Variants in MDFIC observed in about 807,000 individuals in gnomAD.
The protein encoded by MDFIC is myoD family inhibitor domain-containing protein.
Under a neutral mutation model 23.2 loss-of-function variants are expected in MDFIC, and 17 were observed. The observed-to-expected ratio is 0.73, with a 90% confidence interval of 0.50 to 1.10. The LOEUF (loss-of-function observed/expected upper bound fraction) is 1.10. MDFIC is among the 50% of genes least tolerant of loss of function. MDFIC has a pLI of 0.00. For missense variants in MDFIC, 356 were observed against 316.6 expected, an observed-to-expected ratio of 1.12 and a Z score of -0.95; for synonymous variants, 120 against 115.2, an observed-to-expected ratio of 1.04 and a Z score of -0.27.
At chr7:114,961,412 AG>A (rs1422429360) in intron 3 of MDFIC, among the ~76,000 whole-genome samples, 2 of 152,172 alleles carry the variant, frequency 1.3e-5, no homozygotes, top group Non-Finnish European at 2.9e-5. Context: ...CCAGGCTGAA[AG>A]CAGAGGGGAT....
At chr7:114,945,861 G>A (rs1792633714) in intron 3 of MDFIC, among the ~76,000 whole-genome samples, 2 of 151,770 alleles carry the variant, frequency 1.3e-5, no homozygotes, top group Non-Finnish European at 2.9e-5. Context: ...CATTTCAAAA[G>A]GCTTTTATAC....
chr7:114,980,648 C>A (rs1180654221), intron 4 of MDFIC, among the ~76,000 whole-genome samples: 1 of 152,138 alleles, frequency 6.6e-6, no homozygotes, highest in African/African-American at 2.4e-5. Context: ...CTCCTTTCCC[C>A]TTTTAGCAGT....
intron 2 of MDFIC, among the ~76,000 whole-genome samples, chr7:114,926,250 T>C (rs1051454021): frequency 1.3e-5 from 2 of 152,186 alleles, no homozygotes; most frequent in African/African-American, 4.8e-5. Flanking sequence ...TAGAAATAAT[T>C]TAATCCAACC....
rs530151545 is a variant in MDFIC, at chr7:114,932,046, T to G, written c.94+8919T>G. ...TCTATAAACATAGTTCTTATTTCTT[T>G]CATTACTCAGGCAATACATAAGATC... On this transcript the variant is annotated intron_variant, in intron 2 of 4. Transcript: ENST00000393486. 7.9e-5 allele frequency among the ~76,000 whole-genome samples: 12 copies of G among 152,328 alleles called. No individual in the cohort carries two copies. The East Asian group carries it at 2.3e-3, about 29-fold the overall frequency.
chr7:114,992,777 A>C (rs922871053), intron 4 of MDFIC, among the ~76,000 whole-genome samples: 2 of 152,224 alleles, frequency 1.3e-5, no homozygotes, highest in African/African-American at 2.4e-5. Context: ...ATTTTTGCAT[A>C]AATGTTCATC....
chr7:114,949,875 C>G (rs757679019), intron 3 of MDFIC, among the ~76,000 whole-genome samples: 45 of 152,106 alleles, frequency 3.0e-4, no homozygotes, highest in Non-Finnish European at 5.3e-4. Flanking sequence ...TGAAGCTGTT[C>G]GTGGGAGGGA....
chr7:114,944,995 G>A (rs1172244020), intron 3 of MDFIC, among the ~76,000 whole-genome samples: 1 of 152,190 alleles, frequency 6.6e-6, no homozygotes, highest in Non-Finnish European at 1.5e-5. Flanking sequence ...GGCTGGCTGG[G>A]GTGTGGGAAC....
chr7:114,924,232 T>C (rs1402461624), intron 2 of MDFIC, among the ~76,000 whole-genome samples: 3 of 152,206 alleles, frequency 2.0e-5, no homozygotes, highest in African/African-American at 7.2e-5. Context: ...TAAACATATG[T>C]TTTCTGAGAA....
intron 4 of MDFIC, among the ~76,000 whole-genome samples, chr7:114,983,532 G>A (rs1793453768): frequency 6.7e-6 from 1 of 148,662 alleles, no homozygotes; most frequent in Non-Finnish European, 1.5e-5. Flanking sequence ...CTGAAGAACT[G>A]AGAACAAAGA....
intron 2 of MDFIC, among the ~76,000 whole-genome samples, chr7:114,941,016 G>T (rs1327415394): frequency 6.6e-6 from 1 of 152,036 alleles, no homozygotes; most frequent in Non-Finnish European, 1.5e-5. Context: ...CTCCCTCTTA[G>T]ATGTATCCAT....
rs929770273 is a variant in MDFIC at position 114,986,250 on chromosome 7, C to A, written c.493+6469C>A. Among the ~76,000 whole-genome samples, 5 of 151,978 alleles carry A rather than the reference C, an allele frequency of 3.3e-5. No homozygotes were observed. The East Asian group carries it at 7.7e-4, about 23-fold the overall frequency. On this transcript the variant is annotated intron_variant, in intron 4 of 4. Coordinates refer to ENST00000393486, the MANE Select transcript of MDFIC (RefSeq NM_001166345.3). ...GAGGTCTATGACCTTTCTTTGTTTT[C>A]TTTTTAGGCTTCGCTTCTTTGTCTT...
At chr7:114,943,721 C>A (rs1337918419) in intron 3 of MDFIC, among the ~76,000 whole-genome samples, 2 of 152,162 alleles carry the variant, frequency 1.3e-5, no homozygotes, top group Admixed American at 6.5e-5. Flanking sequence ...CCTATGTTAT[C>A]TCTGACTTCC....
chr7:114,998,807 T>C (rs1295142483), intron 4 of MDFIC, among the ~76,000 whole-genome samples: 5 of 152,108 alleles, frequency 3.3e-5, no homozygotes, highest in African/African-American at 1.2e-4. Context: ...ACAGAGTATG[T>C]TAATATTGGG....
chr7:114,937,863 TA>T (rs1209751318), intron 2 of MDFIC, among the ~76,000 whole-genome samples: 2 of 152,354 alleles, frequency 1.3e-5, no homozygotes, highest in Non-Finnish European at 2.9e-5. Flanking sequence ...GTACTATTTT[TA>T]ATGCATCTTA....
chr7:114,999,633 T>G (rs1210363428), intron 4 of MDFIC, among the ~76,000 whole-genome samples: 2 of 151,942 alleles, frequency 1.3e-5, no homozygotes, highest in Non-Finnish European at 2.9e-5. Flanking sequence ...AGGAACCTCA[T>G]AGTTTAAAGT....
chr7:114,922,792 C>A (rs972770489), intron 1 of MDFIC, 135 bp from the exon 2 acceptor site: 3 of 1,308,864 alleles, frequency 2.3e-6, no homozygotes, highest in Non-Finnish European at 3.0e-6. Flanking sequence ...CAGTTTTCTT[C>A]GCAAGTTTCA....
In MDFIC at chr7:114,983,929, C is replaced by T. The variant is rs78351730; in HGVS notation, c.493+4148C>T. 6.6e-3 allele frequency among the ~76,000 whole-genome samples: 1,005 copies of T among 152,074 alleles called. 5 individuals carry two copies. Among genetic ancestry groups the T allele is most frequent in the African/African-American group, 0.016 (674 of 41,474 alleles). On this transcript the variant is annotated intron_variant, in intron 4 of 4. Coordinates refer to ENST00000393486, the MANE Select transcript of MDFIC (RefSeq NM_001166345.3). ...TGAACTCATTTAGTCCTCCCAACAACGCTGCAATTCTATGAATTATATGAA... is the reference window on the plus strand; with the variant it reads ...TGAACTCATTTAGTCCTCCCAACAATGCTGCAATTCTATGAATTATATGAA...
intron 3 of MDFIC, among the ~76,000 whole-genome samples, chr7:114,950,286 T>G (rs1386225212): frequency 6.6e-6 from 1 of 152,134 alleles, no homozygotes; most frequent in Non-Finnish European, 1.5e-5. Context: ...CAGCTTTCTA[T>G]GGGATGTAGC....
chr7:114,962,304 T>C (rs1585104289), intron 3 of MDFIC, among the ~76,000 whole-genome samples: 5 of 152,336 alleles, frequency 3.3e-5, no homozygotes, highest in Admixed American at 1.3e-4. Flanking sequence ...TTGAAAATGA[T>C]CTTTGATAAT....
Sources: allele counts gnomAD v4.1 joint callset (sites outside exome capture counted in the v4.1 genomes callset), GRCh38; gene constraint gnomAD v4.1.1; transcripts MANE v1.5; gene names NCBI Gene and HGNC (gene_info 2026-07-23, HGNC 2026-07-21).